DLG2: variants seen among roughly 807,000 people sequenced by gnomAD.
DLG2 encodes disks large homolog 2.
Under a neutral mutation model 132.5 loss-of-function variants are expected in DLG2, and 45 were observed. That is an observed-to-expected ratio of 0.34 (90% CI 0.27 to 0.44). The LOEUF is 0.44. DLG2 is among the 20% of genes least tolerant of loss of function. The pLI is 1.00. For missense variants in DLG2, 1,045 were observed against 1,196.9 expected (o/e 0.87, Z 1.87); for synonymous variants, 424 against 419.6 (o/e 1.01, Z -0.13).
At chr11:85,467,273 C>A (rs182496920) in intron 3 of DLG2, among the ~76,000 whole-genome samples, 1 of 152,298 alleles carries the variant, frequency 6.6e-6, no homozygotes, top group Admixed American at 6.5e-5. Flanking sequence ...AATTTGACTT[C>A]CTCTTTTCCT....
chr11:85,585,710 TCA>T (rs1288135281), intron 3 of DLG2, among the ~76,000 whole-genome samples: 2 of 150,414 alleles, frequency 1.3e-5, no homozygotes, highest in African/African-American at 2.5e-5. Context: ...ATGTGATATA[TCA>T]CAGTTTTTTT....
At chr11:84,824,822 A>G (rs1453649662) in intron 6 of DLG2, among the ~76,000 whole-genome samples, 1 of 151,856 alleles carries the variant, frequency 6.6e-6, no homozygotes, top group African/African-American at 2.4e-5. Context: ...CCAGACGCCC[A>G]CAGTGCATGT....
At chr11:84,260,579 T>C (rs2097537303) in intron 7 of DLG2, among the ~76,000 whole-genome samples, 1 of 152,220 alleles carries the variant, frequency 6.6e-6, no homozygotes, top group African/African-American at 2.4e-5. Flanking sequence ...CTAACATTGA[T>C]TAACCAACTA....
chr11:85,377,728 G>C (rs1370282588), intron 3 of DLG2, among the ~76,000 whole-genome samples: 1 of 150,130 alleles, frequency 6.7e-6, no homozygotes, highest in Non-Finnish European at 1.5e-5. Context: ...GACAGAACTT[G>C]AATAACAATA....
At chr11:84,628,186 C>A (rs1231821840) in intron 6 of DLG2, among the ~76,000 whole-genome samples, 1 of 151,836 alleles carries the variant, frequency 6.6e-6, no homozygotes, top group Non-Finnish European at 1.5e-5. Context: ...TAGCATAGCA[C>A]CTGTAAAACA....
intron 19 of DLG2, among the ~76,000 whole-genome samples, chr11:83,563,634 A>G (rs946392537): frequency 6.6e-6 from 1 of 152,226 alleles, no homozygotes; most frequent in Non-Finnish European, 1.5e-5. Context: ...AGTACTTCAC[A>G]GGCATTATCT....
At chr11:84,737,588 G>A (rs2064021628) in intron 6 of DLG2, among the ~76,000 whole-genome samples, 1 of 151,726 alleles carries the variant, frequency 6.6e-6, no homozygotes, top group Admixed American at 6.6e-5. Context: ...AAGCAGGAGT[G>A]GGGGATGTGA....
intron 4 of DLG2, among the ~76,000 whole-genome samples, chr11:85,278,977 T>G (rs534612953): frequency 4.8e-4 from 73 of 152,292 alleles, no homozygotes; most frequent in African/African-American, 1.5e-3. Context: ...AGAAGTTATA[T>G]TTTTAACTAT....
At chr11:84,429,838 A>G (rs2098978624) in intron 7 of DLG2, among the ~76,000 whole-genome samples, 1 of 152,226 alleles carries the variant, frequency 6.6e-6, no homozygotes, top group African/African-American at 2.4e-5. Context: ...GTAGAGGAAT[A>G]TCATTCTAAA....
chr11:83,930,542 T>G (rs1046521356), intron 14 of DLG2, 59 bp from the exon 15 acceptor site: 1 of 1,507,544 alleles, frequency 6.6e-7, no homozygotes, highest in African/African-American at 1.4e-5. Flanking sequence ...GGAACACCTG[T>G]GCAACCAGTA....
intron 6 of DLG2, among the ~76,000 whole-genome samples, chr11:84,676,344 C>G (rs1481672816): frequency 6.6e-6 from 1 of 151,998 alleles, no homozygotes; most frequent in Non-Finnish European, 1.5e-5. Flanking sequence ...TTTACTTTGG[C>G]TTTTAAGAGA....
At chr11:83,683,797 G>C (rs2079226545) in intron 18 of DLG2, among the ~76,000 whole-genome samples, 1 of 152,010 alleles carries the variant, frequency 6.6e-6, no homozygotes, top group Non-Finnish European at 1.5e-5. Context: ...CTGTGCTAAG[G>C]AGTCTTCTAA....
chr11:85,547,512 T>C (rs963990181), intron 3 of DLG2, among the ~76,000 whole-genome samples: 1 of 152,236 alleles, frequency 6.6e-6, no homozygotes, highest in Non-Finnish European at 1.5e-5. Flanking sequence ...CTGTAGTTCC[T>C]GAATTTGAAT....
At chr11:83,952,087 G>A (rs1438612919) in intron 14 of DLG2, among the ~76,000 whole-genome samples, 2 of 152,170 alleles carry the variant, frequency 1.3e-5, no homozygotes, top group East Asian at 3.9e-4. Context: ...GCTCACACCT[G>A]TAATCCCAGC....
chr11:84,411,347 T>C (rs1220615931), intron 7 of DLG2, among the ~76,000 whole-genome samples: 1 of 152,218 alleles, frequency 6.6e-6, no homozygotes, highest in Admixed American at 6.5e-5. Context: ...ACATATATTA[T>C]CTTTTCAGAA....
chr11:84,982,750 A>G (rs1451034404), intron 6 of DLG2, among the ~76,000 whole-genome samples: 1 of 152,174 alleles, frequency 6.6e-6, no homozygotes, highest in Non-Finnish European at 1.5e-5. Context: ...AGTGAGGTTT[A>G]TTCCAGAAGT....
At chr11:84,452,340 C>T (rs1398480828) in intron 7 of DLG2, among the ~76,000 whole-genome samples, 1 of 151,582 alleles carries the variant, frequency 6.6e-6, no homozygotes, top group African/African-American at 2.4e-5. Context: ...ATCTTGTAAG[C>T]CTCATAAGCT....
chr11:84,111,038 CTAAG>C (rs754691720), intron 9 of DLG2, among the ~76,000 whole-genome samples: 62 of 152,186 alleles, frequency 4.1e-4, no homozygotes, highest in Non-Finnish European at 4.9e-4. Context: ...ATATAATTCT[CTAAG>C]TGATTCACAA....
At chr11:84,699,625 T>C (rs765920650) in intron 6 of DLG2, among the ~76,000 whole-genome samples, 4 of 151,560 alleles carry the variant, frequency 2.6e-5, no homozygotes, top group Non-Finnish European at 1.5e-5. Context: ...TAGAATCTGG[T>C]ACAGGGAAAG....
Sources: allele counts gnomAD v4.1 joint callset (sites outside exome capture counted in the v4.1 genomes callset), GRCh38; gene constraint gnomAD v4.1.1; transcripts MANE v1.5; gene names NCBI Gene and HGNC (gene_info 2026-07-23, HGNC 2026-07-21).